SH3PXD2B: variants seen among roughly 807,000 people sequenced by gnomAD.
SH3PXD2B encodes the protein SH3 and PX domains 2B.
In SH3PXD2B, 37 loss-of-function variants were observed where a neutral mutation model predicts 73.1. That is an observed-to-expected ratio of 0.51 (90% CI 0.39 to 0.67). The LOEUF is 0.67. SH3PXD2B is among the 30% of genes least tolerant of loss of function. The probability of loss-of-function intolerance (pLI) is 0.00; values close to 1 mark genes in which losing one functional copy is unlikely to be tolerated. For synonymous variants in SH3PXD2B, 457 were observed against 480.5 expected (o/e 0.95, Z 0.64); for missense variants, 1,053 against 1,197.8 (o/e 0.88, Z 1.78).
chr5:172,439,529 C>G (rs964246135), intron 1 of SH3PXD2B, among the ~76,000 whole-genome samples: 2 of 152,122 alleles, frequency 1.3e-5, no homozygotes, highest in Non-Finnish European at 2.9e-5. Context: ...AGGGCCATCA[C>G]TAATAACCCA....
At position 172,445,803 on chromosome 5, in the gene SH3PXD2B, A is replaced by T. The variant is rs895462560; in HGVS notation, c.75+8475T>A. On this transcript the variant is annotated intron_variant, in intron 1 of 12. Transcript: ENST00000311601. This position sits in a 1 kb window ranked among gnomAD's most constrained non-coding sequence, Gnocchi z 5.2. Reference sequence around the variant, plus strand: ...GCCCACAGCCCCTCCTCCCTTTACCACCTGAAGAAGACCCTGGGCTGAGAG... The same window carrying T: ...GCCCACAGCCCCTCCTCCCTTTACCTCCTGAAGAAGACCCTGGGCTGAGAG... 6.6e-6 allele frequency among the ~76,000 whole-genome samples: 1 copy of T among 151,982 alleles called. No homozygotes were observed.
At chr5:172,426,534 C>G (rs758183116) in intron 1 of SH3PXD2B, among the ~76,000 whole-genome samples, 6 of 152,210 alleles carry the variant, frequency 3.9e-5, no homozygotes, top group Non-Finnish European at 7.3e-5. Context: ...TAGTACCTTC[C>G]CCTCCCCTCC....
intron 6 of SH3PXD2B, among the ~76,000 whole-genome samples, chr5:172,367,083 T>C (rs1176480025): frequency 2.6e-5 from 4 of 151,672 alleles, no homozygotes; most frequent in African/African-American, 9.7e-5. Flanking sequence ...ACTACAGGCA[T>C]GCACCACCAC....
At chr5:172,343,868 A>C (rs540624663) in intron 12 of SH3PXD2B, among the ~76,000 whole-genome samples, 5 of 152,088 alleles carry the variant, frequency 3.3e-5, no homozygotes, top group African/African-American at 1.2e-4. Context: ...TAAAACCAGA[A>C]AGACCTGGTT....
At chr5:172,378,894 C>A (rs1364584525) in intron 5 of SH3PXD2B, among the ~76,000 whole-genome samples, 2 of 151,904 alleles carry the variant, frequency 1.3e-5, no homozygotes, top group African/African-American at 4.8e-5. Context: ...CACGGTGAAA[C>A]CCCGTCTCTA....
chr5:172,397,070 G>A (rs1170051505), intron 3 of SH3PXD2B, among the ~76,000 whole-genome samples: 1 of 152,180 alleles, frequency 6.6e-6, no homozygotes, highest in African/African-American at 2.4e-5. Flanking sequence ...AAAGCAAATA[G>A]GAGAAATATT....
chr5:172,358,492 CA>C, intron 8 of SH3PXD2B, among the ~76,000 whole-genome samples: 1 of 152,318 alleles, frequency 6.6e-6, no homozygotes, highest in South Asian at 2.1e-4. Context: ...TTTTGGCGAT[CA>C]GGCTGGGGCC....
At chr5:172,427,514 T>C (rs1345067262) in intron 1 of SH3PXD2B, among the ~76,000 whole-genome samples, 1 of 151,918 alleles carries the variant, frequency 6.6e-6, no homozygotes, top group Non-Finnish European at 1.5e-5. Context: ...CCTGGTTAAT[T>C]TTATTATTAT....
At chr5:172,438,946 A>C (rs1759455421) in intron 1 of SH3PXD2B, among the ~76,000 whole-genome samples, 1 of 152,084 alleles carries the variant, frequency 6.6e-6, no homozygotes, top group Non-Finnish European at 1.5e-5. Context: ...CATTAAAAAA[A>C]AAAAAAAGAT....
chr5:172,448,033 GAAA>G (rs1759712162), intron 1 of SH3PXD2B, among the ~76,000 whole-genome samples: 1 of 152,178 alleles, frequency 6.6e-6, no homozygotes, highest in Non-Finnish European at 1.5e-5. Flanking sequence ...CCAATCCAAA[GAAA>G]GCAATAGTCG....
chr5:172,349,796 C>G (rs79051583), intron 10 of SH3PXD2B, among the ~76,000 whole-genome samples: 2 of 152,166 alleles, frequency 1.3e-5, no homozygotes, highest in South Asian at 4.1e-4. Flanking sequence ...GCCAGTGTGA[C>G]CACTGTGAGA....
Position 172,362,730 on chromosome 5 carries a change from C to T in SH3PXD2B, c.562+5G>A, listed in dbSNP as rs772543238. ...GTGGGAGAGGGAGATGGTCTAGGTC[C>T]CCACCTGACTCATTCTTCTCGATGA... On this transcript the variant is annotated splice_donor_5th_base_variant and intron_variant, in intron 7 of 12. Transcript: ENST00000311601. 3 of 1,613,900 alleles carry T rather than the reference C, an allele frequency of 1.9e-6. No homozygotes were observed. The highest frequency in any genetic ancestry group is 1.7e-6 in the Non-Finnish European group (2 of 1,180,004).
At chr5:172,372,360 C>A (rs1419758067) in intron 6 of SH3PXD2B, among the ~76,000 whole-genome samples, 1 of 152,066 alleles carries the variant, frequency 6.6e-6, no homozygotes, top group African/African-American at 2.4e-5. Context: ...CTGCTCCTGC[C>A]ATATAAAAAC....
At chr5:172,419,363 C>T (rs1414654459) in intron 2 of SH3PXD2B, among the ~76,000 whole-genome samples, 1 of 151,748 alleles carries the variant, frequency 6.6e-6, no homozygotes, top group African/African-American at 2.4e-5. Flanking sequence ...GATGACTCTA[C>T]GTCCCCACCT....
chr5:172,333,784 G>T lies in SH3PXD2B; in HGVS notation c.*4585C>A, dbSNP rs1158770674. The T allele has an allele frequency of 7.8e-7, 1 of 1,289,168 alleles. No homozygotes were observed. 79.9% of individuals were successfully genotyped at this position (1,289,168 alleles called of 1,614,324 possible). On this transcript the variant is annotated 3_prime_UTR_variant, in exon 13 of 13. Coordinates refer to ENST00000311601, the MANE Select transcript of SH3PXD2B (RefSeq NM_001017995.3). ...GCCCACTGTTCCTGGAGGGAGGTAA[G>T]AAATGGCCTGTTACTTGGAAGCTCC...
intron 4 of SH3PXD2B, among the ~76,000 whole-genome samples, chr5:172,391,934 T>C (rs1581302851): frequency 6.6e-6 from 1 of 152,168 alleles, no homozygotes. Flanking sequence ...CTTCTAGAAG[T>C]TTTACAGTTT....
In SH3PXD2B at chr5:172,339,886, A is replaced by G; in HGVS notation, c.1219T>C (p.Tyr407His). Residue 407 changes from tyrosine (Y) to histidine (H), a missense_variant, in exon 13 of 13, where the codon TAC becomes CAC. By Grantham distance (83) the Tyr-to-His change is moderately conservative. Transcript: ENST00000311601. This position sits in a 1 kb window ranked among gnomAD's most constrained non-coding sequence, Gnocchi z 6.1. ...CCTTCCTTATCTTCAATCTGAATGT[A>G]CCACCAGCCACTCAAGTTTTTCTCG... The part of the protein sequence containing the change: ...VIEKNLSGWW[Y>H]IQIEDKEGWA... The G allele has an allele frequency of 1.9e-6, 3 of 1,614,170 alleles. No homozygotes were observed. Among genetic ancestry groups the G allele is most frequent in the Non-Finnish European group, 1.7e-6 (2 of 1,180,038 alleles).
At chr5:172,383,707 C>T (rs944979985) in intron 4 of SH3PXD2B, among the ~76,000 whole-genome samples, 2 of 152,166 alleles carry the variant, frequency 1.3e-5, no homozygotes, top group Admixed American at 6.5e-5. Flanking sequence ...CCAAGCAGTG[C>T]GTGCTCTGCA....
intron 1 of SH3PXD2B, among the ~76,000 whole-genome samples, chr5:172,423,668 T>C (rs1393780371): frequency 6.6e-6 from 1 of 151,996 alleles, no homozygotes; most frequent in Non-Finnish European, 1.5e-5. Flanking sequence ...GGTTTCTTTT[T>C]GGAGAGGGAG....
Sources: gnomAD v4.1 joint callset for allele counts (sites outside exome capture counted in the v4.1 genomes callset) on GRCh38, gnomAD v4.1.1 for gene constraint, Gnocchi (gnomAD v3.1) non-coding constraint, MANE v1.5 for transcripts, NCBI Gene and HGNC (gene_info 2026-07-23, HGNC 2026-07-21) for gene names.